ABLIM2: variants seen among roughly 807,000 people sequenced by gnomAD.
ABLIM2 encodes actin binding LIM protein family member 2, also known as actin-binding LIM protein 2.
ABLIM2 carries 53 observed loss-of-function variants against 97.7 expected under a neutral mutation model. The ratio of observed to expected loss-of-function variants is 0.54; its 90% CI spans 0.44 to 0.68. The LOEUF (loss-of-function observed/expected upper bound fraction) is 0.68. Among genes scored for constraint, ABLIM2 ranks in the 30% least tolerant of loss-of-function variants. The pLI is 0.00. For missense variants in ABLIM2, 835 were observed against 867.2 expected (o/e 0.96, Z 0.47); for synonymous variants, 361 against 345.8 (o/e 1.04, Z -0.49).
intron 3 of ABLIM2, among the ~76,000 whole-genome samples, chr4:8,091,270 T>C (rs112890121): frequency 1.7e-5 from 1 of 60,554 alleles, no homozygotes; most frequent in African/African-American, 5.3e-5. Context: ...CATTTGTGTG[T>C]ATATATATAA....
rs1045635559 is a variant in ABLIM2, at chr4:8,130,992, T to C, written c.11-24355A>G. On this transcript the variant is annotated intron_variant, in intron 1 of 20. Transcript: ENST00000447017. This position sits in a 1 kb window ranked among gnomAD's most constrained non-coding sequence, Gnocchi z 4.2. ...GCCCTGCTCTTGGGGCAGCCTGCAT[T>C]TCCTGGTGATGGCAGCATCACTCCA... Among the ~76,000 whole-genome samples, 1 of 152,114 alleles carries C rather than the reference T, an allele frequency of 6.6e-6. No homozygotes were observed. Among genetic ancestry groups the C allele is most frequent in the Non-Finnish European group, 1.5e-5 (1 of 67,996 alleles).
At position 7,998,462 on chromosome 4, in the gene ABLIM2, C is replaced by T. The variant is rs1353880955; in HGVS notation, c.1619-5535G>A. Among the ~76,000 whole-genome samples the T allele has an allele frequency of 6.6e-6, 1 of 151,986 alleles. No individual in the cohort carries two copies. The highest frequency in any genetic ancestry group is 1.5e-5 in the Non-Finnish European group (1 of 68,024). ...ATTCACCTGGAGCTGCCGGTCTGCC[C>T]ACCTGGGTCCCTGCCGGTGCTGCCT... On this transcript the variant is annotated intron_variant, in intron 16 of 20. Coordinates refer to ENST00000447017, the MANE Select transcript of ABLIM2 (RefSeq NM_001130083.2). The surrounding 1 kb of genome is among the most constrained non-coding windows in gnomAD (Gnocchi z 6.4).
In ABLIM2 at chr4:8,124,933, C is replaced by T. The variant is rs112201160; in HGVS notation, c.11-18296G>A. ...AGCCATTCTAGCGGATCTGTAATCG[C>T]GTCTCACTGGGATTCTGATGTGCCG... is the stretch of plus-strand genomic sequence containing the variant. On this transcript the variant is annotated intron_variant, in intron 1 of 20. Transcript: ENST00000447017. The surrounding 1 kb of genome is among the most constrained non-coding windows in gnomAD (Gnocchi z 6.1). 2.0e-5 allele frequency among the ~76,000 whole-genome samples: 3 copies of T among 152,130 alleles called. No individual in the cohort carries two copies. Among genetic ancestry groups the T allele is most frequent in the African/African-American group, 2.4e-5 (1 of 41,426 alleles).
At chr4:8,025,382 G>A (rs1022953081) in intron 12 of ABLIM2, among the ~76,000 whole-genome samples, 1 of 152,136 alleles carries the variant, frequency 6.6e-6, no homozygotes, top group African/African-American at 2.4e-5. Flanking sequence ...TGGAGGGGCT[G>A]TGGCATAGAC....
In ABLIM2 at chr4:8,032,636, G is replaced by A. The variant is rs780290563; in HGVS notation, c.1048-2860C>T. 5.0e-6 allele frequency: 8 copies of A among 1,612,346 alleles called. No individual in the cohort carries two copies. Among genetic ancestry groups the A allele is most frequent in the Non-Finnish European group, 6.8e-6 (8 of 1,179,818 alleles). On this transcript the variant is annotated intron_variant, in intron 10 of 20. Coordinates refer to ENST00000447017, the MANE Select transcript of ABLIM2 (RefSeq NM_001130083.2). This position sits in a 1 kb window ranked among gnomAD's most constrained non-coding sequence, Gnocchi z 4.3. Reference sequence around the variant, plus strand: ...CACGGCAAGCGGGGACAGGCGAGAGGGTGGTGGTTACCTCGGTCGGCGTTG... The same window carrying A: ...CACGGCAAGCGGGGACAGGCGAGAGAGTGGTGGTTACCTCGGTCGGCGTTG...
chr4:8,065,147 G>A (rs1003930002), intron 6 of ABLIM2, among the ~76,000 whole-genome samples: 4 of 152,186 alleles, frequency 2.6e-5, no homozygotes, highest in African/African-American at 4.8e-5. Context: ...AGCTACTCAG[G>A]AGGCTGAGGT....
intron 6 of ABLIM2, among the ~76,000 whole-genome samples, chr4:8,062,572 G>A (rs1280803772): frequency 1.3e-5 from 2 of 151,908 alleles, no homozygotes; most frequent in African/African-American, 4.8e-5. Flanking sequence ...CCGAGTAGCT[G>A]GGACTACAGA....
intron 17 of ABLIM2, chr4:7,989,377 C>A: frequency 1.0e-6 from 1 of 984,342 alleles, no homozygotes; most frequent in South Asian, 4.7e-5. Context: ...CTTTGCCTGG[C>A]CCCATTTGTT....
chr4:8,114,974 C>T (rs569011998), intron 1 of ABLIM2, among the ~76,000 whole-genome samples: 42 of 152,302 alleles, frequency 2.8e-4, no homozygotes, highest in South Asian at 1.9e-3. Context: ...CACCAGGAGA[C>T]GACCTGGCCC....
chr4:8,105,916 C>T (rs896896262), intron 2 of ABLIM2, among the ~76,000 whole-genome samples: 1 of 151,860 alleles, frequency 6.6e-6, no homozygotes, highest in African/African-American at 2.4e-5. Flanking sequence ...TGGCCGGGCC[C>T]GGTTGGTGGG....
intron 1 of ABLIM2, among the ~76,000 whole-genome samples, chr4:8,115,359 C>T (rs1000860155): frequency 1.4e-4 from 21 of 152,176 alleles, no homozygotes; most frequent in Admixed American, 3.9e-4. Context: ...CCTCCTTTCG[C>T]GCCTGCCTGC....
At chr4:8,096,722 G>T (rs1831791994) in intron 3 of ABLIM2, among the ~76,000 whole-genome samples, 2 of 152,248 alleles carry the variant, frequency 1.3e-5, no homozygotes, top group Admixed American at 1.3e-4. Flanking sequence ...GGGCTGGGGA[G>T]GGAAGGGGGA....
chr4:8,113,962 G>C lies in ABLIM2; in HGVS notation c.11-7325C>G, dbSNP rs1841557317. On this transcript the variant is annotated intron_variant, in intron 1 of 20. Coordinates refer to ENST00000447017, the MANE Select transcript of ABLIM2 (RefSeq NM_001130083.2). The surrounding 1 kb of genome is among the most constrained non-coding windows in gnomAD (Gnocchi z 4.5). Reference sequence around the variant, plus strand: ...GGAGATGAACCTGTGTACAATCAGGGAGGGCTTCTGGGAGGAGGTGACATA... The same window carrying C: ...GGAGATGAACCTGTGTACAATCAGGCAGGGCTTCTGGGAGGAGGTGACATA... Among the ~76,000 whole-genome samples the C allele has an allele frequency of 1.3e-5, 2 of 152,152 alleles. No homozygotes were observed. Among genetic ancestry groups the C allele is most frequent in the Non-Finnish European group, 2.9e-5 (2 of 68,016 alleles).
intron 14 of ABLIM2, among the ~76,000 whole-genome samples, chr4:8,012,283 T>C (rs963641974): frequency 3.3e-5 from 5 of 149,500 alleles, no homozygotes; most frequent in African/African-American, 1.2e-4. Context: ...CACCCATCCA[T>C]CTAACCATCC....
chr4:8,152,007 T>C (rs947869760), intron 1 of ABLIM2, among the ~76,000 whole-genome samples: 8 of 151,760 alleles, frequency 5.3e-5, no homozygotes, highest in African/African-American at 1.9e-4. Context: ...AGGAGGCGGG[T>C]TTGGGTCTTG....
At chr4:8,064,619 C>T (rs943841445) in intron 6 of ABLIM2, among the ~76,000 whole-genome samples, 7 of 152,164 alleles carry the variant, frequency 4.6e-5, no homozygotes, top group African/African-American at 4.8e-5. Context: ...TAACACACGC[C>T]GCACCCTCGT....
At chr4:7,975,952 G>T (rs917590844) in intron 20 of ABLIM2, among the ~76,000 whole-genome samples, 14 of 152,110 alleles carry the variant, frequency 9.2e-5, no homozygotes, top group Admixed American at 9.2e-4. Flanking sequence ...GTCCCACGAA[G>T]AACCATGTAG....
At chr4:8,158,535 C>A in intron 1 of ABLIM2, 145 bp downstream of exon 1, 1 of 1,032,748 alleles carries the variant, frequency 9.7e-7, no homozygotes, top group South Asian at 1.6e-5. Context: ...CCCCTCGGGG[C>A]TGCAAAATCC....
intron 6 of ABLIM2, chr4:8,066,712 C>T (rs967774885): frequency 1.3e-5 from 2 of 151,746 alleles, no homozygotes; most frequent in African/African-American, 2.4e-5. Context: ...TCCATGGAGA[C>T]AGAAAGCAGG....
Sources: allele counts gnomAD v4.1 joint callset (sites outside exome capture counted in the v4.1 genomes callset), GRCh38; gene constraint gnomAD v4.1.1; non-coding constraint Gnocchi (gnomAD v3.1); transcripts MANE v1.5; gene names NCBI Gene and HGNC (gene_info 2026-07-23, HGNC 2026-07-21).